DLG2: variants seen among roughly 807,000 people sequenced by gnomAD.
The protein encoded by DLG2 is discs large MAGUK scaffold protein 2, also known as disks large homolog 2.
DLG2 carries 45 observed loss-of-function variants against 132.5 expected under a neutral mutation model. The observed-to-expected ratio is 0.34, with a 90% confidence interval of 0.27 to 0.44. The LOEUF is 0.44. Ranked by LOEUF, DLG2 falls within the 20% of genes least tolerant of loss-of-function variation. The pLI is 1.00. For missense variants in DLG2, 1,045 were observed against 1,196.9 expected (o/e 0.87, Z 1.87); for synonymous variants, 424 against 419.6 (o/e 1.01, Z -0.13).
intron 6 of DLG2, among the ~76,000 whole-genome samples, chr11:84,884,231 G>A (rs567436145): frequency 3.9e-5 from 6 of 152,168 alleles, no homozygotes; most frequent in Non-Finnish European, 7.4e-5. Flanking sequence ...CTGATAGTCT[G>A]ATGTTAGTTA....
intron 18 of DLG2, among the ~76,000 whole-genome samples, chr11:83,751,059 A>C (rs2093273752): frequency 6.6e-6 from 1 of 152,236 alleles, no homozygotes; most frequent in South Asian, 2.1e-4. Context: ...GATAGTGTTC[A>C]ATGTAAAAAG....
At chr11:83,727,143 C>T (rs975635936) in intron 18 of DLG2, among the ~76,000 whole-genome samples, 4 of 152,170 alleles carry the variant, frequency 2.6e-5, no homozygotes, top group Non-Finnish European at 5.9e-5. Context: ...ACTGAACAAG[C>T]TTATTTTCAT....
chr11:85,583,553 T>TAAG (rs1009999089), intron 3 of DLG2, among the ~76,000 whole-genome samples: 3 of 152,116 alleles, frequency 2.0e-5, no homozygotes, highest in Non-Finnish European at 4.4e-5. Context: ...TAACACAGTC[T>TAAG]AAGAAGTTCT....
At chr11:85,134,398 G>A (rs1422605097) in intron 5 of DLG2, among the ~76,000 whole-genome samples, 3 of 148,642 alleles carry the variant, frequency 2.0e-5, no homozygotes, top group East Asian at 2.0e-4. Flanking sequence ...GCGTAGTGGC[G>A]GGCGCCTGTA....
At chr11:83,853,804 C>A (rs1456893194) in intron 16 of DLG2, among the ~76,000 whole-genome samples, 1 of 152,044 alleles carries the variant, frequency 6.6e-6, no homozygotes, top group Non-Finnish European at 1.5e-5. Context: ...TGAAGCTTTC[C>A]CACTAAGATC....
chr11:84,794,050 GT>G (rs1353782833), intron 6 of DLG2, among the ~76,000 whole-genome samples: 2 of 151,986 alleles, frequency 1.3e-5, no homozygotes, highest in African/African-American at 4.8e-5. Flanking sequence ...TAATTTGTGT[GT>G]TTATGTATCT....
chr11:83,847,682 C>T (rs564775186), intron 16 of DLG2, among the ~76,000 whole-genome samples: 3 of 152,240 alleles, frequency 2.0e-5, no homozygotes, highest in South Asian at 4.2e-4. Context: ...AGAATCGCCA[C>T]GATCCCTTCC....
chr11:85,446,011 A>C (rs995269579), intron 3 of DLG2, among the ~76,000 whole-genome samples: 1 of 152,156 alleles, frequency 6.6e-6, no homozygotes, highest in Non-Finnish European at 1.5e-5. Context: ...TGACTCTAAA[A>C]CCCATTGTTT....
intron 6 of DLG2, among the ~76,000 whole-genome samples, chr11:84,697,568 A>T (rs1388700649): frequency 6.6e-6 from 1 of 151,534 alleles, no homozygotes. Context: ...TACATTTATA[A>T]TGCTTACACA....
chr11:85,250,501 C>G (rs951225863), intron 4 of DLG2, among the ~76,000 whole-genome samples: 28 of 152,098 alleles, frequency 1.8e-4, no homozygotes, highest in Non-Finnish European at 1.5e-5. Flanking sequence ...TGGGATAACA[C>G]AGTATAAATT....
At chr11:85,250,564 T>G (rs1455803613) in intron 4 of DLG2, among the ~76,000 whole-genome samples, 1 of 152,194 alleles carries the variant, frequency 6.6e-6, no homozygotes, top group Non-Finnish European at 1.5e-5. Context: ...TGCAAGAAGA[T>G]TATTATTCAC....
At chr11:85,607,010 C>G (rs570659000) in intron 2 of DLG2, among the ~76,000 whole-genome samples, 1 of 152,164 alleles carries the variant, frequency 6.6e-6, no homozygotes, top group African/African-American at 2.4e-5. Context: ...AGACAAAGAA[C>G]CCACCAATTC....
At chr11:83,620,742 C>A (rs867291212) in intron 19 of DLG2, among the ~76,000 whole-genome samples, 1 of 149,460 alleles carries the variant, frequency 6.7e-6, no homozygotes, top group Non-Finnish European at 1.5e-5. Context: ...TAGTGGCGGG[C>A]GCCTGTAGTC....
chr11:84,456,709 A>G (rs2099066348), intron 7 of DLG2, among the ~76,000 whole-genome samples: 1 of 151,350 alleles, frequency 6.6e-6, no homozygotes, highest in Admixed American at 6.6e-5. Context: ...ATTTTTAAAC[A>G]TTGCACTTAT....
chr11:85,196,985 T>G (rs1024293027), intron 4 of DLG2, among the ~76,000 whole-genome samples: 1 of 152,210 alleles, frequency 6.6e-6, no homozygotes, highest in African/African-American at 2.4e-5. Context: ...TCCTCTCATA[T>G]GACACAACAG....
chr11:83,624,883 C>A (rs566269610), intron 19 of DLG2, among the ~76,000 whole-genome samples: 29 of 152,286 alleles, frequency 1.9e-4, no homozygotes, highest in African/African-American at 6.7e-4. Flanking sequence ...CAAGTCTAGA[C>A]TCTGTCCAGA....
chr11:84,723,438 CATGTGT>C (rs2062058417), intron 6 of DLG2, among the ~76,000 whole-genome samples: 1 of 152,084 alleles, frequency 6.6e-6, no homozygotes, highest in Non-Finnish European at 1.5e-5. Context: ...TCTGTATGTG[CATGTGT>C]ATGTGTTTAT....
chr11:83,597,284 T>G (rs1225763716), intron 19 of DLG2, among the ~76,000 whole-genome samples: 1 of 151,884 alleles, frequency 6.6e-6, no homozygotes, highest in Admixed American at 6.5e-5. Flanking sequence ...TATCTCTAAT[T>G]CAACTCTGTG....
intron 6 of DLG2, among the ~76,000 whole-genome samples, chr11:84,749,416 G>A (rs1361131112): frequency 1.3e-5 from 2 of 152,130 alleles, no homozygotes; most frequent in Admixed American, 6.5e-5. Context: ...ATATAAGATA[G>A]TGGTCTCATA....
Sources: allele counts gnomAD v4.1 joint callset (sites outside exome capture counted in the v4.1 genomes callset), GRCh38; gene constraint gnomAD v4.1.1; transcripts MANE v1.5; gene names NCBI Gene and HGNC (gene_info 2026-07-23, HGNC 2026-07-21).